OSBPL8: variants seen among roughly 807,000 people sequenced by gnomAD.
The protein encoded by OSBPL8 is oxysterol binding protein like 8.
A neutral mutation model predicts 125.5 loss-of-function variants in OSBPL8; 59 were observed. That is an observed-to-expected ratio of 0.47 (90% CI 0.38 to 0.58). The LOEUF is 0.58. Ranked by LOEUF, OSBPL8 falls within the 20% of genes least tolerant of loss-of-function variation. OSBPL8 has a pLI of 0.00. For synonymous variants in OSBPL8, 330 were observed against 338.9 expected, an observed-to-expected ratio of 0.97 and a Z score of 0.29; for missense variants, 758 against 1,047.8, an observed-to-expected ratio of 0.72 and a Z score of 3.82.
rs1335658360 is a variant in OSBPL8, at chr12:76,375,218, A to G, written c.1827+55T>C. ...AAATACATGGTGCCCTTTATTCAAT[A>G]TTTATTGTATGGCTCTCCTTTAGCT... On this transcript the variant is annotated intron_variant, in intron 17 of 23. Transcript: ENST00000261183. The G allele has an allele frequency of 2.5e-6, 3 of 1,209,372 alleles. No homozygotes were observed. The East Asian group carries it at 7.1e-5, about 28-fold the overall frequency. 74.9% of individuals were successfully genotyped at this position (1,209,372 alleles called of 1,614,324 possible). A position where few individuals can be genotyped will look rare whatever the true frequency, so the allele number is the denominator to read the frequency against.
intron 3 of OSBPL8, among the ~76,000 whole-genome samples, chr12:76,453,000 ATT>A (rs77723812): frequency 7.0e-5 from 10 of 143,698 alleles, no homozygotes; most frequent in African/African-American, 1.5e-4. Context: ...ACAATTTGGC[ATT>A]TTTTTTTTTT....
chr12:76,371,803 T>C (rs528901417), intron 18 of OSBPL8: 84 of 341,816 alleles, frequency 2.5e-4, no homozygotes, highest in Non-Finnish European at 4.0e-4. Context: ...TTAAAAAGAA[T>C]TTGGTTGAAT....
At chr12:76,506,033 C>CG (rs144846070) in intron 1 of OSBPL8, among the ~76,000 whole-genome samples, 6,928 of 152,124 alleles carry the variant, frequency 0.046, 573 homozygotes, top group African/African-American at 0.16. Context: ...GCACAGGAAC[C>CG]GTAGTAGGAG....
intron 3 of OSBPL8, among the ~76,000 whole-genome samples, chr12:76,456,568 G>A (rs1286736442): frequency 2.6e-5 from 4 of 151,770 alleles, no homozygotes. Context: ...CCCAGGTTGT[G>A]TCCTTGCACT....
intron 4 of OSBPL8, among the ~76,000 whole-genome samples, chr12:76,446,245 A>C (rs879554518): frequency 6.6e-6 from 1 of 152,204 alleles, no homozygotes; most frequent in Non-Finnish European, 1.5e-5. Flanking sequence ...ACTTGAGATA[A>C]GGCAGATACA....
intron 4 of OSBPL8, among the ~76,000 whole-genome samples, chr12:76,423,499 C>G (rs563354001): frequency 6.6e-6 from 1 of 152,242 alleles, no homozygotes; most frequent in African/African-American, 2.4e-5. Flanking sequence ...TTCAGTCTAT[C>G]AATGAGTCTT....
At chr12:76,533,205 T>C (rs900939080) in intron 1 of OSBPL8, among the ~76,000 whole-genome samples, 1 of 152,210 alleles carries the variant, frequency 6.6e-6, no homozygotes, top group Admixed American at 6.5e-5. Flanking sequence ...ATGTGTTTCT[T>C]GCTAGGTTTT....
At chr12:76,501,955 A>G (rs1436792402) in intron 1 of OSBPL8, among the ~76,000 whole-genome samples, 1 of 152,254 alleles carries the variant, frequency 6.6e-6, no homozygotes, top group Non-Finnish European at 1.5e-5. Flanking sequence ...TAATACATAC[A>G]GCATTGCTTT....
chr12:76,524,133 A>G (rs1286295281), intron 1 of OSBPL8, among the ~76,000 whole-genome samples: 1 of 152,216 alleles, frequency 6.6e-6, no homozygotes, highest in Non-Finnish European at 1.5e-5. Flanking sequence ...TGAATCCTTT[A>G]ATGTTGTTAA....
rs190967611 is a variant in OSBPL8 at position 76,441,584 on chromosome 12, T to C, written c.217+9267A>G. On this transcript the variant is annotated intron_variant, in intron 4 of 23. Transcript: ENST00000261183. ...TTCAATCTGTCCGACTTGCAAAACA[T>C]AGAAGGCTAAATCCCAACAGAAAAG... 1.4e-4 allele frequency among the ~76,000 whole-genome samples: 22 copies of C among 152,182 alleles called. No homozygotes were observed. The East Asian group carries it at 1.9e-3, about 13-fold the overall frequency.
rs1048203730 is a variant in OSBPL8 at position 76,432,386 on chromosome 12, C to A, written c.217+18465G>T. ...CTTGAGCTCAGGAGTTCAAAATCAG[C>A]CAGGGCAACCCAGCGGGACCGTGTG... On this transcript the variant is annotated intron_variant, in intron 4 of 23. Coordinates refer to ENST00000261183, the MANE Select transcript of OSBPL8 (RefSeq NM_020841.5). Among the ~76,000 whole-genome samples, 7 of 152,082 alleles carry A rather than the reference C, an allele frequency of 4.6e-5. No homozygotes were observed. In the East Asian group the frequency reaches 9.7e-4, roughly 21 times the overall value.
At chr12:76,385,074 A>G (rs1187255845) in intron 14 of OSBPL8, among the ~76,000 whole-genome samples, 1 of 152,206 alleles carries the variant, frequency 6.6e-6, no homozygotes, top group Non-Finnish European at 1.5e-5. Flanking sequence ...GCCTTCAACA[A>G]TATATTTACT....
At chr12:76,427,647 G>C (rs1870307479) in intron 4 of OSBPL8, among the ~76,000 whole-genome samples, 1 of 151,808 alleles carries the variant, frequency 6.6e-6, no homozygotes, top group African/African-American at 2.4e-5. Context: ...ATATACCTTT[G>C]TGATTTCAAT....
chr12:76,491,212 A>C (rs369331275), intron 1 of OSBPL8, among the ~76,000 whole-genome samples: 2 of 152,242 alleles, frequency 1.3e-5, no homozygotes, highest in East Asian at 3.8e-4. Flanking sequence ...AGAATACTAC[A>C]TAAATTTAGT....
chr12:76,388,688 T>C (rs1043755428), intron 12 of OSBPL8, among the ~76,000 whole-genome samples: 2 of 152,212 alleles, frequency 1.3e-5, no homozygotes, highest in African/African-American at 4.8e-5. Flanking sequence ...ATTTCTTCAT[T>C]TTCCAACTGC....
intron 1 of OSBPL8, among the ~76,000 whole-genome samples, chr12:76,502,027 C>T (rs1183490849): frequency 6.6e-6 from 1 of 152,158 alleles, no homozygotes; most frequent in Non-Finnish European, 1.5e-5. Flanking sequence ...TCAGGGAATC[C>T]ACTGGCCTTA....
At chr12:76,382,892 T>C (rs1953124673) in intron 15 of OSBPL8, among the ~76,000 whole-genome samples, 1 of 152,202 alleles carries the variant, frequency 6.6e-6, no homozygotes, top group Non-Finnish European at 1.5e-5. Context: ...TAGAAAATTT[T>C]GCTATCTCTA....
intron 16 of OSBPL8, among the ~76,000 whole-genome samples, chr12:76,377,969 T>C (rs1952893592): frequency 6.6e-6 from 1 of 152,218 alleles, no homozygotes; most frequent in South Asian, 2.1e-4. Context: ...TGACAATTAT[T>C]ATGTAATACC....
At chr12:76,438,031 G>A (rs1044427692) in intron 4 of OSBPL8, among the ~76,000 whole-genome samples, 2 of 151,834 alleles carry the variant, frequency 1.3e-5, no homozygotes, top group East Asian at 1.9e-4. Flanking sequence ...CTGTCGCCCA[G>A]GCTGGAGTGC....
Sources: allele counts gnomAD v4.1 joint callset (sites outside exome capture counted in the v4.1 genomes callset), GRCh38; gene constraint gnomAD v4.1.1; transcripts MANE v1.5; gene names NCBI Gene and HGNC (gene_info 2026-07-23, HGNC 2026-07-21).